PACSIN1: variants seen among roughly 807,000 people sequenced by gnomAD.
PACSIN1 encodes protein kinase C and casein kinase substrate in neurons protein 1.
Under a neutral mutation model 59.5 loss-of-function variants are expected in PACSIN1, and 15 were observed. The ratio of observed to expected loss-of-function variants is 0.25; its 90% CI spans 0.17 to 0.39. PACSIN1 has a LOEUF of 0.39. Among genes scored for constraint, PACSIN1 ranks in the 10% least tolerant of loss-of-function variants. The pLI, the probability that PACSIN1 is intolerant of heterozygous loss-of-function variation, is 1.00. For missense variants in PACSIN1, 420 were observed against 580.2 expected (o/e 0.72, Z 2.84); for synonymous variants, 210 against 220.6 (o/e 0.95, Z 0.42).
Position 34,531,369 on chromosome 6 carries a change from G to C in PACSIN1, c.1038-231G>C, listed in dbSNP as rs1436405384. On this transcript the variant is annotated intron_variant, in intron 8 of 9. Coordinates refer to ENST00000244458, the MANE Select transcript of PACSIN1 (RefSeq NM_020804.5). The surrounding 1 kb of genome is among the most constrained non-coding windows in gnomAD (Gnocchi z 4.4). ...TCCTCCCGGATGAAGGCTCAGATGT[G>C]CCCTGGGGTCCCCTTCAATGCCCTC... Among the ~76,000 whole-genome samples, 1 of 152,154 alleles carries C rather than the reference G, an allele frequency of 6.6e-6. No individual in the cohort carries two copies. Among genetic ancestry groups the C allele is most frequent in the Non-Finnish European group, 1.5e-5 (1 of 68,030 alleles).
intron 1 of PACSIN1, among the ~76,000 whole-genome samples, chr6:34,501,389 TCAGTTTGAGG>T: frequency 6.6e-6 from 1 of 151,738 alleles, no homozygotes; most frequent in Non-Finnish European, 1.5e-5. Flanking sequence ...TCCAACCCCC[TCAGTTTGAGG>T]GGAGCAGACC....
intron 1 of PACSIN1, among the ~76,000 whole-genome samples, chr6:34,480,708 A>C (rs1766705070): frequency 6.6e-6 from 1 of 152,182 alleles, no homozygotes; most frequent in South Asian, 2.1e-4. Flanking sequence ...ATATATCCCC[A>C]GGTAAACATA....
intron 1 of PACSIN1, among the ~76,000 whole-genome samples, chr6:34,510,110 C>A (rs1767176170): frequency 6.6e-6 from 1 of 152,222 alleles, no homozygotes; most frequent in Admixed American, 6.5e-5. Flanking sequence ...TGTGGGTGGG[C>A]ATTTGGGTTG....
chr6:34,494,944 C>G (rs1474803418), intron 1 of PACSIN1, among the ~76,000 whole-genome samples: 1 of 152,176 alleles, frequency 6.6e-6, no homozygotes, highest in African/African-American at 2.4e-5. Context: ...TACTGTAAGT[C>G]CAAGCCTCTC....
intron 1 of PACSIN1, among the ~76,000 whole-genome samples, chr6:34,476,434 C>T (rs140834486): frequency 4.7e-4 from 72 of 152,126 alleles, no homozygotes; most frequent in African/African-American, 1.5e-3. Flanking sequence ...CTCCCTCCCC[C>T]CTCCACCAGC....
chr6:34,477,329 T>TA (rs1200991179), intron 1 of PACSIN1, among the ~76,000 whole-genome samples: 38 of 138,784 alleles, frequency 2.7e-4, no homozygotes, highest in East Asian at 1.2e-3. Context: ...TGTCTCTATT[T>TA]AAAAAAAAAA....
intron 3 of PACSIN1, 33 bp downstream of exon 3, chr6:34,527,521 C>A: frequency 6.5e-7 from 1 of 1,548,480 alleles, no homozygotes; most frequent in East Asian, 2.4e-5. Context: ...TGCGCGCCCC[C>A]AGGCCGTCAC....
In PACSIN1 at chr6:34,516,340, G is replaced by T. The variant is rs1767291404; in HGVS notation, c.-63-9903G>T. On this transcript the variant is annotated intron_variant, in intron 1 of 9. Transcript: ENST00000244458. The surrounding 1 kb of genome is among the most constrained non-coding windows in gnomAD (Gnocchi z 5.4). ...ACATTCACAGAGTGCTGGACTCAGG[G>T]GCTCCCACTTTGGGATCAAGGGCCT... 6.6e-6 allele frequency among the ~76,000 whole-genome samples: 1 copy of T among 152,178 alleles called. No homozygotes were observed. Among genetic ancestry groups the T allele is most frequent in the Non-Finnish European group, 1.5e-5 (1 of 68,014 alleles).
At chr6:34,528,597 G>T in intron 3 of PACSIN1, 45 bp from the exon 4 acceptor site, 1 of 1,435,108 alleles carries the variant, frequency 7.0e-7, no homozygotes, top group South Asian at 1.1e-5. Flanking sequence ...GGGGGCCTCT[G>T]GGCAGGGGCA....
chr6:34,528,341 C>T (rs961242605), intron 3 of PACSIN1, among the ~76,000 whole-genome samples: 8 of 152,228 alleles, frequency 5.3e-5, no homozygotes, highest in African/African-American at 1.7e-4. Context: ...TGCCCCCCTC[C>T]GACCCCATTC....
intron 1 of PACSIN1, among the ~76,000 whole-genome samples, chr6:34,519,426 G>C (rs1368200387): frequency 3.3e-5 from 5 of 152,144 alleles, no homozygotes; most frequent in African/African-American, 1.2e-4. Flanking sequence ...CCAGGGGACT[G>C]GTTTTCAGAC....
chr6:34,501,680 G>C (rs1767025845), intron 1 of PACSIN1, among the ~76,000 whole-genome samples: 1 of 152,184 alleles, frequency 6.6e-6, no homozygotes, highest in South Asian at 2.1e-4. Flanking sequence ...TTCTCAAGGT[G>C]TAGTCAATAG....
chr6:34,502,488 C>T (rs1049561669), intron 1 of PACSIN1, among the ~76,000 whole-genome samples: 14 of 105,908 alleles, frequency 1.3e-4, no homozygotes, highest in African/African-American at 3.4e-4. Context: ...TTTTTTGAGA[C>T]GGAGTCTGGC....
chr6:34,522,170 C>T (rs1185584576), intron 1 of PACSIN1, among the ~76,000 whole-genome samples: 2 of 152,198 alleles, frequency 1.3e-5, no homozygotes, highest in African/African-American at 2.4e-5. Context: ...TCAGGGGTCC[C>T]GGGGAATGAG....
intron 1 of PACSIN1, among the ~76,000 whole-genome samples, chr6:34,510,000 T>A (rs1200337493): frequency 1.3e-5 from 2 of 152,274 alleles, no homozygotes; most frequent in Non-Finnish European, 2.9e-5. Flanking sequence ...TATTCCACTA[T>A]GTGAACAAAC....
chr6:34,531,550 G>C lies in PACSIN1; in HGVS notation c.1038-50G>C, dbSNP rs370225796. 5.7e-6 allele frequency: 9 copies of C among 1,581,244 alleles called. No individual in the cohort carries two copies. The highest frequency in any genetic ancestry group is 7.8e-6 in the Non-Finnish European group (9 of 1,155,642). ...GATTAGGAGGAGCGGTTAGCCCTCG[G>C]GATGCGGTACGGGGAGACATTGAAG... On this transcript the variant is annotated intron_variant, in intron 8 of 9. Transcript: ENST00000244458. This position sits in a 1 kb window ranked among gnomAD's most constrained non-coding sequence, Gnocchi z 4.4.
In PACSIN1 at chr6:34,515,416, G is replaced by A. The variant is rs1206986790; in HGVS notation, c.-63-10827G>A. 6.6e-6 allele frequency among the ~76,000 whole-genome samples: 1 copy of A among 152,194 alleles called. No homozygotes were observed. The highest frequency in any genetic ancestry group is 6.5e-5 in the Admixed American group (1 of 15,292). On this transcript the variant is annotated intron_variant, in intron 1 of 9. Coordinates refer to ENST00000244458, the MANE Select transcript of PACSIN1 (RefSeq NM_020804.5). This position sits in a 1 kb window ranked among gnomAD's most constrained non-coding sequence, Gnocchi z 4.4. ...TCCAGGGACCCACAGTCTGAAGCTAGACAGGGTATGCGGCAGAGGGCAGGG... is the reference window on the plus strand; with the variant it reads ...TCCAGGGACCCACAGTCTGAAGCTAAACAGGGTATGCGGCAGAGGGCAGGG...
chr6:34,490,791 C>T (rs780923916), intron 1 of PACSIN1, among the ~76,000 whole-genome samples: 6 of 152,198 alleles, frequency 3.9e-5, no homozygotes, highest in Non-Finnish European at 5.9e-5. Context: ...CTTCTCCAGG[C>T]CTTTGGATCC....
chr6:34,502,745 C>T (rs956511549), intron 1 of PACSIN1, among the ~76,000 whole-genome samples: 1 of 152,114 alleles, frequency 6.6e-6, no homozygotes, highest in South Asian at 2.1e-4. Flanking sequence ...GGATCACAGG[C>T]GTGAGCCACC....
Sources: gnomAD v4.1 joint callset for allele counts (sites outside exome capture counted in the v4.1 genomes callset) on GRCh38, gnomAD v4.1.1 for gene constraint, Gnocchi (gnomAD v3.1) non-coding constraint, MANE v1.5 for transcripts, NCBI Gene and HGNC (gene_info 2026-07-23, HGNC 2026-07-21) for gene names.